ANGPTL2: variants seen among roughly 807,000 people sequenced by gnomAD.
ANGPTL2 encodes angiopoietin like 2.
Under a neutral mutation model 52.8 loss-of-function variants are expected in ANGPTL2, and 25 were observed. The observed-to-expected ratio is 0.47, with a 90% CI of 0.35 to 0.66. ANGPTL2 has a LOEUF of 0.66. Ranked by LOEUF, ANGPTL2 falls within the 30% of genes least tolerant of loss-of-function variation. ANGPTL2 has a pLI of 0.01. For synonymous variants in ANGPTL2, 276 were observed against 277.4 expected, an observed-to-expected ratio of 1.00 and a Z score of 0.05; for missense variants, 546 against 656.9, an observed-to-expected ratio of 0.83 and a Z score of 1.84.
chr9:127,116,576 C>T (rs576885174), intron 1 of ANGPTL2, among the ~76,000 whole-genome samples: 13 of 152,258 alleles, frequency 8.5e-5, no homozygotes, highest in African/African-American at 2.9e-4. Flanking sequence ...TGGAGCCCTA[C>T]AACTGGGAAA....
intron 2 of ANGPTL2, among the ~76,000 whole-genome samples, chr9:127,094,837 G>A (rs1390223950): frequency 6.6e-6 from 1 of 152,194 alleles, no homozygotes; most frequent in African/African-American, 2.4e-5. Flanking sequence ...ACTGAGCTTG[G>A]GCAGCCCAGT....
intron 1 of ANGPTL2, among the ~76,000 whole-genome samples, chr9:127,116,031 C>G (rs1320433083): frequency 2.0e-5 from 3 of 152,224 alleles, no homozygotes; most frequent in East Asian, 3.9e-4. Context: ...TAGTTCAGCT[C>G]TCATAAGACC....
intron 1 of ANGPTL2, 106 bp from the exon 2 acceptor site, chr9:127,108,886 A>G: frequency 1.2e-6 from 1 of 801,468 alleles, no homozygotes; most frequent in Non-Finnish European, 1.9e-6. Flanking sequence ...CTTTCCAAAA[A>G]CTCTGCTTCA....
In ANGPTL2 at chr9:127,087,944, C is replaced by T. The variant is rs1164560684; in HGVS notation, c.*995G>A. 5.2e-5 allele frequency: 8 copies of T among 152,684 alleles called. No homozygotes were observed. The East Asian group carries it at 9.6e-4, about 18-fold the overall frequency. 9.5% of individuals were successfully genotyped at this position (152,684 alleles called of 1,614,324 possible). A position where few individuals can be genotyped will look rare whatever the true frequency, so the allele number is the denominator to read the frequency against. ...AGTATGAATGGAAGATACAAAACTG[C>T]GAGTACATTATCTATACGGCCGGTG... On this transcript the variant is annotated 3_prime_UTR_variant, in exon 5 of 5. Coordinates refer to ENST00000373425, the MANE Select transcript of ANGPTL2 (RefSeq NM_012098.3).
chr9:127,103,988 A>G (rs1305448943), intron 2 of ANGPTL2, among the ~76,000 whole-genome samples: 1 of 152,170 alleles, frequency 6.6e-6, no homozygotes, highest in African/African-American at 2.4e-5. Flanking sequence ...CTTGACCTCT[A>G]TGAACCTCAA....
rs117405343 is a variant in ANGPTL2 at position 127,119,284 on chromosome 9, G to A, written c.-50+3031C>T. On this transcript the variant is annotated intron_variant, in intron 1 of 4. Coordinates refer to ENST00000373425, the MANE Select transcript of ANGPTL2 (RefSeq NM_012098.3). ...AGAAGTAGGCTTCCATGAAGAGCAA[G>A]GGATGCGCTAAAGTTGAGTAAGTCC... Among the ~76,000 whole-genome samples, 429 of 152,342 alleles carry A rather than the reference G, an allele frequency of 2.8e-3. 1 individual carries two copies. The highest frequency in any genetic ancestry group is 5.6e-3 in the Non-Finnish European group (381 of 68,030).
At chr9:127,117,104 G>T (rs1006965059) in intron 1 of ANGPTL2, among the ~76,000 whole-genome samples, 1 of 152,226 alleles carries the variant, frequency 6.6e-6, no homozygotes, top group Non-Finnish European at 1.5e-5. Context: ...CTTTGCATGT[G>T]CTGTGCTTCC....
rs1589400191 is a variant in ANGPTL2 at position 127,088,882 on chromosome 9, G to T, written c.*57C>A. ...GGAGTTGTTCTTTGTGCTGTGGCCA[G>T]CGTGACCAGGGTGGGCTCCTGGCAA... On this transcript the variant is annotated 3_prime_UTR_variant, in exon 5 of 5. Coordinates refer to ENST00000373425, the MANE Select transcript of ANGPTL2 (RefSeq NM_012098.3). The T allele has an allele frequency of 1.2e-5, 19 of 1,599,074 alleles. No homozygotes were observed. The East Asian group carries it at 4.2e-4, about 36-fold the overall frequency.
chr9:127,107,764 G>C, intron 2 of ANGPTL2, 151 bp downstream of exon 2: 1 of 721,748 alleles, frequency 1.4e-6, no homozygotes. Context: ...GCTGGCTCCA[G>C]CAGCTCAGCC....
At chr9:127,115,511 G>A (rs2055312621) in intron 1 of ANGPTL2, among the ~76,000 whole-genome samples, 2 of 152,204 alleles carry the variant, frequency 1.3e-5, no homozygotes, top group Admixed American at 6.5e-5. Flanking sequence ...ATCTGCATTT[G>A]GCAGTAGAGG....
chr9:127,096,007 AG>A (rs2053089614), intron 2 of ANGPTL2, among the ~76,000 whole-genome samples: 1 of 152,044 alleles, frequency 6.6e-6, no homozygotes, highest in South Asian at 2.1e-4. Flanking sequence ...TCTTCTGGGG[AG>A]GAAGGATCTT....
At chr9:127,117,842 T>C (rs1031163821) in intron 1 of ANGPTL2, among the ~76,000 whole-genome samples, 4 of 152,246 alleles carry the variant, frequency 2.6e-5, no homozygotes, top group African/African-American at 9.6e-5. Context: ...TTAAGGATTC[T>C]TGGAGCTGGG....
chr9:127,108,644 T>G lies in ANGPTL2; in HGVS notation c.88A>C (p.Thr30Pro). 6.2e-7 allele frequency: 1 copy of G among 1,613,676 alleles called. No homozygotes were observed. The highest frequency in any genetic ancestry group is 8.5e-7 in the Non-Finnish European group (1 of 1,179,934). Residue 30 changes from threonine (T) to proline (P), a missense_variant, in exon 2 of 5, where the codon ACT becomes CCT. Transcript: ENST00000373425. ...VAGQEDGFEG[T>P]EEGSPREFIY... The stretch of plus-strand genomic sequence containing the variant: ...AACTCTCTTGGCGAGCCCTCCTCAG[T>G]GCCCTCAAAACCGTCCTCCTGGCCT...
In ANGPTL2 at chr9:127,108,398, C is replaced by T; in HGVS notation, c.334G>A (p.Val112Met). ...ACCTCGCTCACAATGCCGCCGTCCA[C>T]CTCCACCAGCTGCTGCAGCGTCTCG... ...QIETLQQLVE[V>M]DGGIVSEVKL... The change falls in exon 2 of 5, where the codon GTG (valine) becomes ATG (methionine). Residue 112 changes from valine (V) to methionine (M), a missense_variant. Val to Met is a conservative substitution (Grantham distance 21, BLOSUM62 1). Transcript: ENST00000373425. The T allele has an allele frequency of 6.2e-7, 1 of 1,609,196 alleles. No individual in the cohort carries two copies. Among genetic ancestry groups the T allele is most frequent in the Non-Finnish European group, 8.5e-7 (1 of 1,178,272 alleles).
chr9:127,101,961 G>A (rs903997663), intron 2 of ANGPTL2, among the ~76,000 whole-genome samples: 5 of 151,946 alleles, frequency 3.3e-5, no homozygotes, highest in African/African-American at 1.2e-4. Flanking sequence ...AGTTCCACAG[G>A]CTCATCTTGA....
rs1454517720 is a variant in ANGPTL2, at chr9:127,108,149, CTGAT to C, written c.579_582del (p.Ser194ArgfsTer54). Reference sequence around the variant, plus strand: ...TGCTCCTCAAGCTGCGCGATGATCTCTGATTGGTTGTGGGCCAGTGTGGCCAGGT... The same window carrying C: ...TGCTCCTCAAGCTGCGCGATGATCTCTGGTTGTGGGCCAGTGTGGCCAGGT... On this transcript the variant is annotated frameshift_variant, in exon 2 of 5. Coordinates refer to ENST00000373425, the MANE Select transcript of ANGPTL2 (RefSeq NM_012098.3). LOFTEE classifies it high-confidence loss of function. 5 of 1,614,116 alleles carry C rather than the reference CTGAT, an allele frequency of 3.1e-6. No homozygotes were observed. Among genetic ancestry groups the C allele is most frequent in the East Asian group, 2.2e-5 (1 of 44,858 alleles).
In ANGPTL2 at chr9:127,100,849, C is replaced by T. The variant is rs141409479; in HGVS notation, c.818-6923G>A. Among the ~76,000 whole-genome samples, 8 of 152,316 alleles carry T rather than the reference C, an allele frequency of 5.3e-5. No homozygotes were observed. In the East Asian group the frequency reaches 1.3e-3, roughly 26 times the overall value. On this transcript the variant is annotated intron_variant, in intron 2 of 4. Coordinates refer to ENST00000373425, the MANE Select transcript of ANGPTL2 (RefSeq NM_012098.3). Reference sequence around the variant, plus strand: ...TGGTTTCTTCTTTAAGAACCTATGTCGGCTTTCATTGGTGACCTTTTAATC... The same window carrying T: ...TGGTTTCTTCTTTAAGAACCTATGTTGGCTTTCATTGGTGACCTTTTAATC...
chr9:127,111,825 C>G (rs2054844460), intron 1 of ANGPTL2, among the ~76,000 whole-genome samples: 2 of 152,222 alleles, frequency 1.3e-5, no homozygotes, highest in Admixed American at 1.3e-4. Flanking sequence ...GGGCTCAACC[C>G]TGGTCTGCTG....
chr9:127,097,025 C>A (rs1266957600), intron 2 of ANGPTL2, among the ~76,000 whole-genome samples: 1 of 152,174 alleles, frequency 6.6e-6, no homozygotes, highest in Non-Finnish European at 1.5e-5. Flanking sequence ...TTCTTTTCCC[C>A]CAACCAGAAC....
Sources: allele counts gnomAD v4.1 joint callset (sites outside exome capture counted in the v4.1 genomes callset), GRCh38; gene constraint gnomAD v4.1.1; transcripts MANE v1.5; gene names NCBI Gene and HGNC (gene_info 2026-07-23, HGNC 2026-07-21).